Variants in PCMTD1 observed in about 807,000 individuals in gnomAD.
PCMTD1 encodes protein-L-isoaspartate O-methyltransferase domain-containing protein 1.
PCMTD1 carries 12 observed loss-of-function variants against 37.6 expected under a neutral mutation model. The ratio of observed to expected loss-of-function variants is 0.32; its 90% CI spans 0.20 to 0.52. PCMTD1 has a LOEUF of 0.52. Among genes scored for constraint, PCMTD1 ranks in the 20% least tolerant of loss-of-function variants. The pLI is 0.97. For synonymous variants in PCMTD1, 117 were observed against 135.8 expected (o/e 0.86, Z 0.96); for missense variants, 235 against 421.3 (o/e 0.56, Z 3.87).
chr8:51,874,367 T>A (rs1464126428), intron 1 of PCMTD1, among the ~76,000 whole-genome samples: 1 of 141,488 alleles, frequency 7.1e-6, no homozygotes, highest in Non-Finnish European at 1.5e-5. Context: ...ATTTAACAAC[T>A]CCTTCAACAT....
chr8:51,843,935 T>C (rs376405249), intron 3 of PCMTD1, among the ~76,000 whole-genome samples: 3 of 152,168 alleles, frequency 2.0e-5, no homozygotes, highest in Non-Finnish European at 4.4e-5. Flanking sequence ...CCTTAAAAAT[T>C]TGCTTTCACT....
chr8:51,883,488 C>T (rs1173982229), intron 1 of PCMTD1, among the ~76,000 whole-genome samples: 2 of 152,132 alleles, frequency 1.3e-5, no homozygotes, highest in Admixed American at 6.5e-5. Context: ...AGAAATTCAA[C>T]AGATTTTCTT....
chr8:51,819,023 G>A lies in PCMTD1; in HGVS notation c.*1328C>T, dbSNP rs1054902999. 7.1e-6 allele frequency: 1 copy of A among 140,200 alleles called. No homozygotes were observed. The highest frequency in any genetic ancestry group is 2.1e-4 in the South Asian group (1 of 4,752). 8.7% of individuals were successfully genotyped at this position (140,200 alleles called of 1,614,324 possible). A position where few individuals can be genotyped will look rare whatever the true frequency, so the allele number is the denominator to read the frequency against. On this transcript the variant is annotated 3_prime_UTR_variant, in exon 6 of 6. Coordinates refer to ENST00000522514, the MANE Select transcript of PCMTD1 (RefSeq NM_052937.4). ...GTTACATTGTACACTTTCTTAACAA[G>A]GAATGGCTGTTTTCAGGCCTTATTA... is the stretch of plus-strand genomic sequence containing the variant.
chr8:51,877,177 C>T (rs901969500), intron 1 of PCMTD1, among the ~76,000 whole-genome samples: 10 of 152,106 alleles, frequency 6.6e-5, no homozygotes, highest in Admixed American at 5.2e-4. Flanking sequence ...GTACACTCGC[C>T]GGCAGTTTTG....
chr8:51,877,290 T>C (rs1432940319), intron 1 of PCMTD1, among the ~76,000 whole-genome samples: 1 of 152,146 alleles, frequency 6.6e-6, no homozygotes, highest in Non-Finnish European at 1.5e-5. Context: ...GACCTTACAT[T>C]TTATATCTGT....
intron 1 of PCMTD1, among the ~76,000 whole-genome samples, chr8:51,878,706 A>G (rs1386638816): frequency 1.3e-5 from 2 of 152,194 alleles, no homozygotes; most frequent in Non-Finnish European, 2.9e-5. Context: ...CTGTGATCAC[A>G]TCACTATATT....
chr8:51,889,640 C>G (rs1454359295), intron 1 of PCMTD1, among the ~76,000 whole-genome samples: 1 of 152,184 alleles, frequency 6.6e-6, no homozygotes, highest in East Asian at 1.9e-4. Flanking sequence ...AATAACAATA[C>G]TTTCCTACCT....
chr8:51,898,907 GC>G (rs1356635162), intron 1 of PCMTD1, 22 bp downstream of exon 1: 3 of 1,320,510 alleles, frequency 2.3e-6, no homozygotes, highest in South Asian at 2.0e-5. Context: ...ACGACCCCGA[GC>G]CCCCACTGGC....
chr8:51,843,824 T>C (rs2038181037), intron 3 of PCMTD1, among the ~76,000 whole-genome samples: 1 of 152,196 alleles, frequency 6.6e-6, no homozygotes, highest in Non-Finnish European at 1.5e-5. Context: ...TCCTTGAGTC[T>C]GTTCTGCTCA....
In PCMTD1 at chr8:51,861,221, A is replaced by T. The variant is rs1457768720; in HGVS notation, c.-70T>A. On this transcript the variant is annotated 5_prime_UTR_variant, in exon 2 of 6. Transcript: ENST00000522514. ...TAGTAGAAATGGCTTCCAATATTGCACTTGATTTCCAAAAATAAATTAATC... is the reference window on the plus strand; with the variant it reads ...TAGTAGAAATGGCTTCCAATATTGCTCTTGATTTCCAAAAATAAATTAATC... 7 of 1,479,726 alleles carry T rather than the reference A, an allele frequency of 4.7e-6. No homozygotes were observed. Among genetic ancestry groups the T allele is most frequent in the African/African-American group, 1.4e-5 (1 of 70,370 alleles). The allele number at this position is 1,479,726 out of a possible 1,614,324, so 91.7% of individuals were successfully genotyped here. A position where few individuals can be genotyped will look rare whatever the true frequency, so the allele number is the denominator to read the frequency against.
chr8:51,867,209 T>C (rs1563354281), intron 1 of PCMTD1, among the ~76,000 whole-genome samples: 1 of 152,056 alleles, frequency 6.6e-6, no homozygotes, highest in African/African-American at 2.4e-5. Context: ...GGCAAGGTTG[T>C]AGAGAAAAGA....
rs1285550932 is a variant in PCMTD1, at chr8:51,882,476, T to C, written c.-96+16454A>G. Reference sequence around the variant, plus strand: ...TCAAAAGCTCTCAAACACCCGCCTATGTATCTCTGTATCATCTCTCCACAA... The same window carrying C: ...TCAAAAGCTCTCAAACACCCGCCTACGTATCTCTGTATCATCTCTCCACAA... On this transcript the variant is annotated intron_variant, in intron 1 of 5. Coordinates refer to ENST00000522514, the MANE Select transcript of PCMTD1 (RefSeq NM_052937.4). Among the ~76,000 whole-genome samples the C allele has an allele frequency of 2.0e-5, 3 of 148,142 alleles. No homozygotes were observed. The East Asian group carries it at 6.0e-4, about 30-fold the overall frequency.
At chr8:51,890,914 G>A (rs776896999) in intron 1 of PCMTD1, among the ~76,000 whole-genome samples, 9 of 152,138 alleles carry the variant, frequency 5.9e-5, no homozygotes, top group Non-Finnish European at 1.2e-4. Context: ...ATGGCAGAAG[G>A]ACTTACAAAG....
chr8:51,857,110 A>G (rs1044206696), intron 2 of PCMTD1, among the ~76,000 whole-genome samples: 1 of 152,256 alleles, frequency 6.6e-6, no homozygotes, highest in Non-Finnish European at 1.5e-5. Flanking sequence ...TCCCATGACA[A>G]AGAGAGAGAG....
At chr8:51,820,800 T>C in intron 5 of PCMTD1, 82 bp from the exon 6 acceptor site, 1 of 1,360,786 alleles carries the variant, frequency 7.3e-7, no homozygotes. Context: ...TAGAACAAAA[T>C]GTGTTTCTTA....
chr8:51,891,164 G>A (rs1005383651), intron 1 of PCMTD1, among the ~76,000 whole-genome samples: 4 of 152,062 alleles, frequency 2.6e-5, no homozygotes, highest in Non-Finnish European at 5.9e-5. Context: ...AAAGAGAATC[G>A]CAGGAGCTCA....
At chr8:51,865,847 T>A (rs961878504) in intron 1 of PCMTD1, among the ~76,000 whole-genome samples, 1 of 151,692 alleles carries the variant, frequency 6.6e-6, no homozygotes, top group African/African-American at 2.4e-5. Flanking sequence ...ATAAAGGGCA[T>A]CTAAATAGGA....
chr8:51,849,422 A>T (rs2038271804), intron 2 of PCMTD1: 1 of 152,184 alleles, frequency 6.6e-6, no homozygotes, highest in Non-Finnish European at 1.5e-5. Flanking sequence ...TCGCCAATGT[A>T]AAGATGTTTC....
At chr8:51,844,384 T>C (rs1432589634) in intron 3 of PCMTD1, among the ~76,000 whole-genome samples, 2 of 152,132 alleles carry the variant, frequency 1.3e-5, no homozygotes, top group Non-Finnish European at 2.9e-5. Context: ...CTTAAATTCA[T>C]TGAACTACAG....
Sources: allele counts gnomAD v4.1 joint callset (sites outside exome capture counted in the v4.1 genomes callset), GRCh38; gene constraint gnomAD v4.1.1; transcripts MANE v1.5; gene names NCBI Gene and HGNC (gene_info 2026-07-23, HGNC 2026-07-21).